The following MID1 variants were observed in gnomAD, a reference collection of about 807,000 sequenced individuals.
The protein encoded by MID1 is midline 1, also known as E3 ubiquitin-protein ligase Midline-1.
MID1 carries 7 observed loss-of-function variants against 40.4 expected under a neutral mutation model. The ratio of observed to expected loss-of-function variants is 0.17; its 90% confidence interval spans 0.10 to 0.33. The LOEUF (loss-of-function observed/expected upper bound fraction) is 0.33. Among genes scored for constraint, MID1 ranks in the 10% least tolerant of loss-of-function variants. MID1 has a pLI of 1.00. For synonymous variants in MID1, 229 were observed against 221.2 expected (o/e 1.04, Z -0.31); for missense variants, 367 against 558.5 (o/e 0.66, Z 3.46).
chrX:10,602,978 A>C (rs1187251115), intron 1 of MID1, among the ~76,000 whole-genome samples: 2 of 112,535 alleles, frequency 1.8e-5, no homozygotes, highest in Admixed American at 9.4e-5. Flanking sequence ...TAAACAGCAT[A>C]TTGCCAACAC....
intron 1 of MID1, among the ~76,000 whole-genome samples, chrX:10,749,607 A>T (rs146473390): frequency 0.012 from 1,305 of 112,082 alleles, 10 homozygotes; most frequent in Non-Finnish European, 0.017. Flanking sequence ...TCATGGTCCT[A>T]CAGGCTGTAC....
At chrX:10,552,278 T>C (rs1933943268) in intron 2 of MID1, among the ~76,000 whole-genome samples, 1 of 110,321 alleles carries the variant, frequency 9.1e-6, no homozygotes, top group African/African-American at 3.3e-5. Context: ...TAATCAAGAG[T>C]TGGTAGAGGA....
intron 1 of MID1, among the ~76,000 whole-genome samples, chrX:10,672,713 T>C (rs1397087396): frequency 9.0e-6 from 1 of 111,453 alleles, no homozygotes; most frequent in Non-Finnish European, 1.9e-5. Flanking sequence ...TGTTTAATTT[T>C]TTTTTGAGAT....
intron 1 of MID1, among the ~76,000 whole-genome samples, chrX:10,791,795 ATG>A (rs1386731772): frequency 1.8e-5 from 2 of 111,238 alleles, no homozygotes; most frequent in South Asian, 3.8e-4. Context: ...GTGTGTGTGC[ATG>A]TGTGTGTGTG....
Position 10,757,861 on chromosome X carries a change from T to C in MID1, c.-187+75693A>G, listed in dbSNP as rs768981769. On this transcript the variant is annotated intron_variant, in intron 1 of 10. Coordinates refer to the MID1 transcript ENST00000380785. ...AATATGTACCAGAAAAAATTAATAA[T>C]TTAAATACAGATTTGAAGACAACTC... 4.1e-4 allele frequency among the ~76,000 whole-genome samples: 46 copies of C among 112,139 alleles called. No individual in the cohort carries two copies. In the East Asian group the frequency reaches 0.013, roughly 31 times the overall value.
intron 1 of MID1, among the ~76,000 whole-genome samples, chrX:10,758,483 C>CTTTTTTTTTTTTTTTTT (rs1157401550): frequency 1.6e-5 from 1 of 63,875 alleles, no homozygotes; most frequent in African/African-American, 7.8e-5. Flanking sequence ...CTTTTCTTTC[C>CTTTTTTTTTTTTTTTTT]TTTTTTTTTT....
At chrX:10,773,845 C>T (rs968470581) in intron 1 of MID1, among the ~76,000 whole-genome samples, 4 of 111,488 alleles carry the variant, frequency 3.6e-5, no homozygotes, top group East Asian at 2.8e-4. Context: ...GTTTGTTGGT[C>T]GGAACAGGGA....
chrX:10,506,323 C>A lies in MID1; in HGVS notation c.757-10632G>T, dbSNP rs1020241495. The A allele has an allele frequency of 4.7e-6, 5 of 1,071,295 alleles. No individual in the cohort carries two copies. In the African/African-American group the frequency reaches 9.5e-5, roughly 20 times the overall value. The allele number at this position is 1,071,295 out of a possible 1,213,427, so 88.3% of individuals were successfully genotyped here. A position where few individuals can be genotyped will look rare whatever the true frequency, so the allele number is the denominator to read the frequency against. ...TATCCTCCCCAAGAAGGATATGAGACAAGAATGGATGGTCAAATTGTTGCC... is the reference window on the plus strand; with the variant it reads ...TATCCTCCCCAAGAAGGATATGAGAAAAGAATGGATGGTCAAATTGTTGCC... On this transcript the variant is annotated intron_variant, in intron 3 of 9. Coordinates refer to ENST00000317552, the MANE Select transcript of MID1 (RefSeq NM_000381.4).
intron 1 of MID1, among the ~76,000 whole-genome samples, chrX:10,591,109 C>CA (rs1419031741): frequency 9.0e-6 from 1 of 111,089 alleles, no homozygotes; most frequent in Middle Eastern, 4.8e-3. Flanking sequence ...AATTCACTTA[C>CA]AAAAAAATCT....
chrX:10,701,664 A>C (rs2147082746), intron 1 of MID1, among the ~76,000 whole-genome samples: 1 of 112,191 alleles, frequency 8.9e-6, no homozygotes, highest in African/African-American at 3.2e-5. Context: ...TACTAATTTT[A>C]ATATTGTAGT....
chrX:10,469,339 T>A, intron 7 of MID1: 12 of 955,782 alleles, frequency 1.3e-5, no homozygotes, highest in Non-Finnish European at 1.6e-5. Flanking sequence ...AGCAAAATAG[T>A]TTATTTTGAT....
At chrX:10,628,730 C>T (rs956607654) in intron 1 of MID1, among the ~76,000 whole-genome samples, 2 of 111,549 alleles carry the variant, frequency 1.8e-5, no homozygotes, top group Non-Finnish European at 3.8e-5. Flanking sequence ...GATAAAAATA[C>T]GAGTACCTAC....
intron 1 of MID1, among the ~76,000 whole-genome samples, chrX:10,731,310 AAAT>A (rs1281514478): frequency 4.5e-5 from 5 of 112,119 alleles, no homozygotes; most frequent in African/African-American, 1.6e-4. Context: ...AAGCGAAACA[AAAT>A]AAAGCCTAAT....
At chrX:10,463,592 T>C (rs1569271528) in intron 7 of MID1, among the ~76,000 whole-genome samples, 1 of 112,495 alleles carries the variant, frequency 8.9e-6, no homozygotes, top group Non-Finnish European at 1.9e-5. Flanking sequence ...ATTGCAAAAC[T>C]GGTCTTTCTT....
rs1224839370 is a variant in MID1, at chrX:10,516,607, TGTGCGCGC to T, written c.756+6477_756+6484del. 3.0e-4 allele frequency among the ~76,000 whole-genome samples: 16 copies of T among 53,511 alleles called. 1 individual carries two copies. Among genetic ancestry groups the T allele is most frequent in the African/African-American group, 1.5e-3 (15 of 10,257 alleles). The allele number at this position is 53,511 out of a possible 115,157, so 46.5% of individuals were successfully genotyped here. A position where few individuals can be genotyped will look rare whatever the true frequency, so the allele number is the denominator to read the frequency against. ...GTGTGTGTGTGTGTGTGTGTGTGTG[TGTGCGCGC>T]GCGCACGCGTGTGTTTTAAGAGACA... On this transcript the variant is annotated intron_variant, in intron 3 of 9. Coordinates refer to ENST00000317552, the MANE Select transcript of MID1 (RefSeq NM_000381.4).
In MID1 at chrX:10,449,607, T is replaced by C. The variant is rs1556001939; in HGVS notation, c.1765A>G (p.Asn589Asp). 5.0e-6 allele frequency: 6 copies of C among 1,211,696 alleles called. No homozygotes were observed. Among genetic ancestry groups the C allele is most frequent in the African/African-American group, 1.7e-5 (1 of 57,788 alleles). Residue 589 changes from asparagine to aspartate, a missense_variant, in exon 10 of 10, where the codon AAT (asparagine) becomes GAT (aspartate). This residue lies in a region of MID1 where 275 missense variants were observed against 383.1 expected (regional missense o/e 0.72). Coordinates refer to ENST00000317552, the MANE Select transcript of MID1 (RefSeq NM_000381.4). Reference protein sequence around the residue: ...RCNNNWVVRHNSKEIPIEPAP... With the variant: ...RCNNNWVVRHDSKEIPIEPAP... ...GGCTCAATGGGGATTTCCTTGCTAT[T>C]GTGTCTCACCACCCAGTTATTGTTG... is the stretch of plus-strand genomic sequence containing the variant.
intron 1 of MID1, among the ~76,000 whole-genome samples, chrX:10,811,435 C>G (rs1211585813): frequency 8.9e-6 from 1 of 112,164 alleles, no homozygotes; most frequent in East Asian, 2.8e-4. Flanking sequence ...GGAATTGAAA[C>G]CAGAGAAGTT....
chrX:10,468,672 T>C (rs1019165707), intron 7 of MID1, among the ~76,000 whole-genome samples: 1 of 111,781 alleles, frequency 8.9e-6, no homozygotes, highest in Non-Finnish European at 1.9e-5. Context: ...TCTGTTATCA[T>C]CTCTGTGGCC....
At chrX:10,778,631 C>T (rs1043452368) in intron 1 of MID1, among the ~76,000 whole-genome samples, 8 of 111,867 alleles carry the variant, frequency 7.2e-5, no homozygotes, top group Non-Finnish European at 1.1e-4. Context: ...GCAGGAAGGT[C>T]GGGGTAGAGA....
Sources: gnomAD v4.1 joint callset for allele counts (sites outside exome capture counted in the v4.1 genomes callset) on GRCh38, gnomAD v4.1.1 for gene constraint, gnomAD v4.1.1 regional missense constraint, MANE v1.5 for transcripts, NCBI Gene and HGNC (gene_info 2026-07-23, HGNC 2026-07-21) for gene names.